The following RNLS variants were observed in gnomAD, a reference collection of about 807,000 sequenced individuals.
The protein encoded by RNLS is renalase, FAD dependent amine oxidase.
A neutral mutation model predicts 39.8 loss-of-function variants in RNLS; 39 were observed. That is an observed-to-expected ratio of 0.98 (90% confidence interval 0.76 to 1.28). RNLS has a LOEUF of 1.28. RNLS is among the 50% of genes most tolerant of loss of function. The probability of loss-of-function intolerance (pLI) is 0.00; values close to 1 mark genes in which losing one functional copy is unlikely to be tolerated. For synonymous variants in RNLS, 147 were observed against 150.7 expected, an observed-to-expected ratio of 0.98 and a Z score of 0.18; for missense variants, 410 against 413.3, an observed-to-expected ratio of 0.99 and a Z score of 0.07.
intron 4 of RNLS, among the ~76,000 whole-genome samples, chr10:88,375,551 T>C (rs2133461179): frequency 6.6e-6 from 1 of 152,324 alleles, no homozygotes; most frequent in Non-Finnish European, 1.5e-5. Flanking sequence ...ACATTATTTC[T>C]ATGGGAACAC....
At chr10:88,333,837 G>A (rs928899341) in intron 5 of RNLS, among the ~76,000 whole-genome samples, 1 of 152,158 alleles carries the variant, frequency 6.6e-6, no homozygotes, top group African/African-American at 2.4e-5. Flanking sequence ...AGAGGCTTGA[G>A]GGAACTTGTT....
chr10:88,249,487 G>T, the RNLS span, among the ~76,000 whole-genome samples: 1 of 152,146 alleles, frequency 6.6e-6, no homozygotes, highest in Non-Finnish European at 1.5e-5. Context: ...TCTAGACAGG[G>T]TATAGCCAAG....
At chr10:88,408,278 G>C (rs187286561) in intron 4 of RNLS, among the ~76,000 whole-genome samples, 200 of 152,094 alleles carry the variant, frequency 1.3e-3, no homozygotes, top group Non-Finnish European at 1.6e-3. Context: ...ATTATGCAAT[G>C]AGATGAAACT....
intron 5 of RNLS, among the ~76,000 whole-genome samples, chr10:88,345,298 C>T (rs532898917): frequency 1.3e-5 from 2 of 152,188 alleles, no homozygotes; most frequent in East Asian, 1.9e-4. Context: ...GATTTGCTAA[C>T]GATTTACTTC....
chr10:88,234,600 G>A, the RNLS span, among the ~76,000 whole-genome samples: 6 of 152,132 alleles, frequency 3.9e-5, no homozygotes, highest in East Asian at 3.9e-4. Flanking sequence ...GGTGGGTCAC[G>A]ATTCACTGCA....
In RNLS at chr10:88,347,842, A is replaced by G. The variant is rs1848411685; in HGVS notation, c.700+14710T>C. On this transcript the variant is annotated intron_variant, in intron 5 of 6. Coordinates refer to ENST00000331772, the MANE Select transcript of RNLS (RefSeq NM_001031709.3). ...TCAGGATATCTGAAATTTTCTCCTC[A>G]ATTAGGCAGAGTAATTTAGCTCTCT... Among the ~76,000 whole-genome samples the G allele has an allele frequency of 2.0e-5, 3 of 152,026 alleles. No homozygotes were observed. In the South Asian group the frequency reaches 6.2e-4, roughly 32 times the overall value.
intron 4 of RNLS, among the ~76,000 whole-genome samples, chr10:88,522,792 GA>G (rs1257853938): frequency 6.6e-6 from 1 of 152,106 alleles, no homozygotes; most frequent in Non-Finnish European, 1.5e-5. Context: ...CTAAGAAGAA[GA>G]AGCTGAAAAG....
chr10:88,325,900 G>A (rs972493910), intron 5 of RNLS, among the ~76,000 whole-genome samples: 6 of 152,094 alleles, frequency 3.9e-5, no homozygotes, highest in African/African-American at 1.4e-4. Context: ...GACTTCTCAT[G>A]AGATCTGATG....
At chr10:88,272,275 T>A (rs1388340656), downstream of RNLS, among the ~76,000 whole-genome samples, 1 of 152,220 alleles carries the variant, frequency 6.6e-6, no homozygotes, top group Non-Finnish European at 1.5e-5. Flanking sequence ...ATGAAACAAG[T>A]TACTGTTTCC....
chr10:88,542,715 G>C (rs867247268), intron 4 of RNLS, among the ~76,000 whole-genome samples: 1 of 152,142 alleles, frequency 6.6e-6, no homozygotes, highest in African/African-American at 2.4e-5. Context: ...CGAACTGCCA[G>C]GGCTGAAGCA....
intron 6 of RNLS, among the ~76,000 whole-genome samples, chr10:88,303,341 C>A (rs1259332283): frequency 6.6e-6 from 1 of 152,216 alleles, no homozygotes; most frequent in Non-Finnish European, 1.5e-5. Flanking sequence ...TCTAGAGGAA[C>A]TGTTGGACCT....
intron 4 of RNLS, among the ~76,000 whole-genome samples, chr10:88,417,824 TTCATGTG>T (rs774620777): frequency 6.6e-6 from 1 of 152,232 alleles, no homozygotes; most frequent in Non-Finnish European, 1.5e-5. Context: ...CTTTTTGTTG[TTCATGTG>T]TCACAACTTT....
At chr10:88,275,675 T>C (rs535765003) in intron 6 of RNLS, among the ~76,000 whole-genome samples, 2 of 152,186 alleles carry the variant, frequency 1.3e-5, no homozygotes, top group South Asian at 4.2e-4. Flanking sequence ...TGCTGTAAAA[T>C]TAAAAACGCA....
chr10:88,266,517 T>C, the RNLS span, among the ~76,000 whole-genome samples: 2 of 152,176 alleles, frequency 1.3e-5, no homozygotes, highest in African/African-American at 4.8e-5. Flanking sequence ...CTGATTTTCA[T>C]TTCTAATCCC....
intron 5 of RNLS, among the ~76,000 whole-genome samples, chr10:88,331,624 A>C (rs1303398320): frequency 6.6e-6 from 1 of 152,196 alleles, no homozygotes; most frequent in Non-Finnish European, 1.5e-5. Flanking sequence ...TAGTTCAGAA[A>C]ACAGATTCAC....
chr10:88,271,465 C>T (rs1263364068), downstream of RNLS, among the ~76,000 whole-genome samples: 4 of 152,186 alleles, frequency 2.6e-5, no homozygotes, highest in Admixed American at 6.5e-5. Flanking sequence ...TTATGACTCA[C>T]CTGTGACTGC....
At chr10:88,552,348 C>T (rs113817828) in intron 4 of RNLS, among the ~76,000 whole-genome samples, 1,698 of 152,272 alleles carry the variant, frequency 0.011, 36 homozygotes, top group South Asian at 0.076. Flanking sequence ...CTGTGAGCTC[C>T]TTAAGAACTA....
At chr10:88,494,262 T>C (rs1301110548) in intron 4 of RNLS, among the ~76,000 whole-genome samples, 6 of 152,126 alleles carry the variant, frequency 3.9e-5, no homozygotes, top group Non-Finnish European at 7.4e-5. Flanking sequence ...GGTGAAAATA[T>C]GAAAAAGCTT....
chr10:88,581,294 GTA>G (rs61477690), intron 3 of RNLS, among the ~76,000 whole-genome samples: 2,671 of 129,726 alleles, frequency 0.021, 39 homozygotes, highest in Middle Eastern at 0.034. Flanking sequence ...GTGTGTGTGT[GTA>G]TATATATATA....
Sources: gnomAD v4.1 joint callset for allele counts (sites outside exome capture counted in the v4.1 genomes callset) on GRCh38, gnomAD v4.1.1 for gene constraint, MANE v1.5 for transcripts, NCBI Gene and HGNC (gene_info 2026-07-23, HGNC 2026-07-21) for gene names.